Variants in ELP4 observed in about 807,000 individuals in gnomAD.
ELP4 encodes the protein elongator acetyltransferase complex subunit 4, also known as elongator complex protein 4.
A neutral mutation model predicts 48.9 loss-of-function variants in ELP4; 51 were observed. The observed-to-expected ratio is 1.04, with a 90% CI of 0.83 to 1.32. ELP4 has a LOEUF of 1.32. ELP4 is among the 40% of genes most tolerant of loss of function. The probability of loss-of-function intolerance (pLI) is 0.00; values close to 1 mark genes in which losing one functional copy is unlikely to be tolerated. For synonymous variants in ELP4, 210 were observed against 189.2 expected (o/e 1.11, Z -0.90); for missense variants, 519 against 514.6 (o/e 1.01, Z -0.08).
chr11:31,611,059 A>G (rs1242224675), intron 5 of ELP4, among the ~76,000 whole-genome samples: 1 of 152,166 alleles, frequency 6.6e-6, no homozygotes, highest in Non-Finnish European at 1.5e-5. Flanking sequence ...ATTTCTTGCC[A>G]CAGCTGTTGG....
At chr11:31,660,032 CA>C (rs1352667984) in intron 9 of ELP4, among the ~76,000 whole-genome samples, 11 of 152,044 alleles carry the variant, frequency 7.2e-5, no homozygotes, top group Admixed American at 2.0e-4. Flanking sequence ...TCTTTGTTTC[CA>C]AAGGCTATTA....
Position 31,787,157 on chromosome 11 carries a change from G to C in ELP4, c.*3633G>C, listed in dbSNP as rs1027748560. The C allele has an allele frequency of 4.3e-6, 1 of 232,780 alleles. No individual in the cohort carries two copies. The highest frequency in any genetic ancestry group is 8.5e-6 in the Non-Finnish European group (1 of 117,744). The allele number at this position is 232,780 out of a possible 1,614,324, so 14.4% of individuals were successfully genotyped here. On this transcript the variant is annotated 3_prime_UTR_variant, in exon 10 of 10. Coordinates refer to ENST00000640961, the MANE Select transcript of ELP4 (RefSeq NM_019040.5). ...TTTGGAAGGACAGCTCATGTCCCTA[G>C]GGTGTGGGCAGAAGGCAAGGCAGCC...
At chr11:31,526,415 C>T (rs1415681720) in intron 2 of ELP4, among the ~76,000 whole-genome samples, 1 of 152,004 alleles carries the variant, frequency 6.6e-6, no homozygotes, top group Non-Finnish European at 1.5e-5. Context: ...GGCCAGAAAA[C>T]TTTTGTATAA....
chr11:31,665,804 G>A (rs1439181760), intron 9 of ELP4, among the ~76,000 whole-genome samples: 6 of 150,214 alleles, frequency 4.0e-5, no homozygotes, highest in South Asian at 2.1e-4. Flanking sequence ...ACAGGCATGC[G>A]CCACCATGCC....
chr11:31,686,062 T>C (rs1051219325), intron 9 of ELP4, among the ~76,000 whole-genome samples: 3 of 152,270 alleles, frequency 2.0e-5, no homozygotes, highest in Non-Finnish European at 2.9e-5. Flanking sequence ...TAGTCTGTTA[T>C]AATAGTTTCC....
intron 9 of ELP4, among the ~76,000 whole-genome samples, chr11:31,708,909 G>A (rs1404286581): frequency 3.3e-5 from 5 of 152,066 alleles, no homozygotes; most frequent in Non-Finnish European, 5.9e-5. Context: ...TTTGTTTGTA[G>A]TAAAAATGTT....
chr11:31,578,737 T>G (rs1050360781), intron 3 of ELP4, among the ~76,000 whole-genome samples: 30 of 152,330 alleles, frequency 2.0e-4, no homozygotes, highest in African/African-American at 6.7e-4. Flanking sequence ...GCTAGCCACA[T>G]GTAGAAAGCT....
intron 9 of ELP4, among the ~76,000 whole-genome samples, chr11:31,656,333 T>C (rs1445291711): frequency 1.3e-5 from 2 of 152,004 alleles, no homozygotes; most frequent in Non-Finnish European, 2.9e-5. Flanking sequence ...TTTCACATGC[T>C]TCCTGTTAGT....
chr11:31,653,635 G>A lies in ELP4; in HGVS notation c.1143+3414G>A, dbSNP rs181338601. The A allele has an allele frequency of 5.3e-5, 8 of 151,600 alleles. No homozygotes were observed. The East Asian group carries it at 1.4e-3, about 26-fold the overall frequency. The allele number at this position is 151,600 out of a possible 1,614,324, so 9.4% of individuals were successfully genotyped here. Reference sequence around the variant, plus strand: ...AAGGACAGGGTTATTTACTTAATAGGTATAAAGTCTTTGCTGAAATGTATG... The same window carrying A: ...AAGGACAGGGTTATTTACTTAATAGATATAAAGTCTTTGCTGAAATGTATG... On this transcript the variant is annotated intron_variant, in intron 9 of 9. Transcript: ENST00000640961.
chr11:31,584,528 G>A (rs746282039), intron 3 of ELP4, among the ~76,000 whole-genome samples: 2 of 151,786 alleles, frequency 1.3e-5, no homozygotes, highest in Non-Finnish European at 2.9e-5. Flanking sequence ...TTGTTTTGTT[G>A]TTGTTGTTGT....
chr11:31,617,992 C>CT (rs986918533), intron 5 of ELP4, among the ~76,000 whole-genome samples: 44 of 151,904 alleles, frequency 2.9e-4, no homozygotes, highest in African/African-American at 1.0e-3. Context: ...AAAACAGAAC[C>CT]TTTTTTTGGT....
chr11:31,586,142 G>A (rs1957469132), intron 3 of ELP4, among the ~76,000 whole-genome samples: 1 of 152,184 alleles, frequency 6.6e-6, no homozygotes, highest in Admixed American at 6.5e-5. Context: ...CAACATCACA[G>A]AATGTTCTGT....
chr11:31,756,912 A>C (rs1947845844), intron 9 of ELP4, among the ~76,000 whole-genome samples: 1 of 152,256 alleles, frequency 6.6e-6, no homozygotes, highest in African/African-American at 2.4e-5. Flanking sequence ...GATGGCTGAT[A>C]ACAATGGTAT....
At chr11:31,608,514 G>A (rs900423097) in intron 5 of ELP4, among the ~76,000 whole-genome samples, 1 of 151,306 alleles carries the variant, frequency 6.6e-6, no homozygotes, top group African/African-American at 2.4e-5. Flanking sequence ...TTTTGATGGG[G>A]TCCTGGTGAG....
At chr11:31,709,729 ATTGCC>A (rs1434889809) in intron 9 of ELP4, among the ~76,000 whole-genome samples, 1 of 152,184 alleles carries the variant, frequency 6.6e-6, no homozygotes, top group Non-Finnish European at 1.5e-5. Context: ...ATACACATGA[ATTGCC>A]TAATACAATA....
At chr11:31,736,831 G>T (rs1408119902) in intron 9 of ELP4, among the ~76,000 whole-genome samples, 1 of 152,122 alleles carries the variant, frequency 6.6e-6, no homozygotes, top group Non-Finnish European at 1.5e-5. Flanking sequence ...GTGCTGGAGA[G>T]GATGTGGAGA....
intron 9 of ELP4, among the ~76,000 whole-genome samples, chr11:31,666,510 G>T (rs972081770): frequency 2.6e-5 from 4 of 152,046 alleles, no homozygotes; most frequent in Admixed American, 6.5e-5. Context: ...TGGCCAACAT[G>T]GTGAAACCCT....
At chr11:31,753,268 G>T (rs75943902) in intron 9 of ELP4, among the ~76,000 whole-genome samples, 1 of 152,210 alleles carries the variant, frequency 6.6e-6, no homozygotes, top group Non-Finnish European at 1.5e-5. Context: ...CAAGACTTAT[G>T]TGATTTTGCC....
At chr11:31,738,335 G>A (rs934735081) in intron 9 of ELP4, among the ~76,000 whole-genome samples, 1 of 151,754 alleles carries the variant, frequency 6.6e-6, no homozygotes, top group African/African-American at 2.4e-5. Context: ...AATTGCTTGG[G>A]CCGTGGTTCA....
Sources: gnomAD v4.1 joint callset for allele counts (sites outside exome capture counted in the v4.1 genomes callset) on GRCh38, gnomAD v4.1.1 for gene constraint, MANE v1.5 for transcripts, NCBI Gene and HGNC (gene_info 2026-07-23, HGNC 2026-07-21) for gene names.